VNN1: variants seen among roughly 807,000 people sequenced by gnomAD.
VNN1 encodes the protein pantetheinase.
VNN1 carries 29 observed loss-of-function variants against 41.9 expected under a neutral mutation model. That is an observed-to-expected ratio of 0.69 (90% CI 0.52 to 0.94). The LOEUF is 0.94. Among genes scored for constraint, VNN1 ranks in the 40% least tolerant of loss-of-function variants. VNN1 has a pLI of 0.00. For missense variants in VNN1, 637 were observed against 621.1 expected (o/e 1.03, Z -0.27); for synonymous variants, 233 against 224.4 (o/e 1.04, Z -0.34).
chr6:132,690,562 A>G (rs532117005), intron 5 of VNN1, among the ~76,000 whole-genome samples: 1 of 152,338 alleles, frequency 6.6e-6, no homozygotes, highest in African/African-American at 2.4e-5. Flanking sequence ...CATTCTACGG[A>G]CAATCACATG....
chr6:132,685,156 T>C (rs1289512985), intron 5 of VNN1, among the ~76,000 whole-genome samples: 1 of 152,264 alleles, frequency 6.6e-6, no homozygotes, highest in Non-Finnish European at 1.5e-5. Context: ...TCATATCCTC[T>C]ATACTGCGCA....
Position 132,693,212 on chromosome 6 carries a change from T to C in VNN1, c.638A>G (p.Asp213Gly). ...AACAGCAGGATCATGGAAGAGTATA[T>C]CAAAGCATGTGAAAATGCCAAAACT... ...FGSFGIFTCFDILFHDPAVTL... is the reference protein window; with the variant it reads ...FGSFGIFTCFGILFHDPAVTL... The change falls in exon 4 of 7, where the codon GAT (aspartate) becomes GGT (glycine). Residue 213 changes from aspartate to glycine, a missense_variant. Asp to Gly is a moderately conservative substitution (Grantham distance 94, BLOSUM62 -1). Transcript: ENST00000367928. The C allele has an allele frequency of 6.2e-7, 1 of 1,614,066 alleles. No homozygotes were observed. Among genetic ancestry groups the C allele is most frequent in the Non-Finnish European group, 8.5e-7 (1 of 1,179,994 alleles).
At chr6:132,704,058 A>G (rs1778485341) in intron 2 of VNN1, among the ~76,000 whole-genome samples, 1 of 152,198 alleles carries the variant, frequency 6.6e-6, no homozygotes, top group Non-Finnish European at 1.5e-5. Flanking sequence ...AGATATATAA[A>G]GGACATATTA....
intron 2 of VNN1, among the ~76,000 whole-genome samples, chr6:132,701,827 G>GA (rs1407959092): frequency 6.6e-6 from 1 of 152,240 alleles, no homozygotes; most frequent in Non-Finnish European, 1.5e-5. Flanking sequence ...GGTGTGGAGA[G>GA]AAAATTTGTG....
At chr6:132,693,570 A>C (rs180767267) in intron 3 of VNN1, among the ~76,000 whole-genome samples, 27 of 152,340 alleles carry the variant, frequency 1.8e-4, no homozygotes, top group Non-Finnish European at 1.5e-5. Context: ...ATAAGACATA[A>C]AATAGATTAC....
At chr6:132,694,664 G>A (rs1778342119) in intron 2 of VNN1, among the ~76,000 whole-genome samples, 1 of 151,430 alleles carries the variant, frequency 6.6e-6, no homozygotes, top group South Asian at 2.1e-4. Flanking sequence ...AGACCAGCCT[G>A]GGCAACAAAG....
chr6:132,697,387 A>G (rs1192677940), intron 2 of VNN1, among the ~76,000 whole-genome samples: 1 of 152,130 alleles, frequency 6.6e-6, no homozygotes, highest in African/African-American at 2.4e-5. Context: ...TTCAAATAAG[A>G]GGTAACAAGG....
intron 2 of VNN1, among the ~76,000 whole-genome samples, chr6:132,700,102 T>C (rs1778429575): frequency 6.6e-6 from 1 of 152,172 alleles, no homozygotes; most frequent in Non-Finnish European, 1.5e-5. Context: ...AAACTATTCA[T>C]ATGTAAGCAA....
At chr6:132,690,535 T>G (rs1484017969) in intron 5 of VNN1, among the ~76,000 whole-genome samples, 1 of 152,196 alleles carries the variant, frequency 6.6e-6, no homozygotes, top group Non-Finnish European at 1.5e-5. Context: ...TCTTTAGTAC[T>G]CCTCCAGCAA....
At chr6:132,706,173 A>T (rs1778515310) in intron 2 of VNN1, among the ~76,000 whole-genome samples, 1 of 152,166 alleles carries the variant, frequency 6.6e-6, no homozygotes, top group South Asian at 2.1e-4. Flanking sequence ...TCTGAAATTT[A>T]CGTGGAAACA....
At position 132,690,320 on chromosome 6, in the gene VNN1, A is replaced by T. The variant is rs1033866921; in HGVS notation, c.1188+1903T>A. Among the ~76,000 whole-genome samples, 6 of 152,162 alleles carry T rather than the reference A, an allele frequency of 3.9e-5. 1 individual carries two copies. Among genetic ancestry groups the T allele is most frequent in the African/African-American group, 1.4e-4 (6 of 41,518 alleles). Reference sequence around the variant, plus strand: ...GATGTTGCTTCCAGGCTTATTTCCCACCAAACCCAGCTTCGCAAGCCATGC... The same window carrying T: ...GATGTTGCTTCCAGGCTTATTTCCCTCCAAACCCAGCTTCGCAAGCCATGC... On this transcript the variant is annotated intron_variant, in intron 5 of 6. Transcript: ENST00000367928.
chr6:132,700,024 T>C (rs1272941166), intron 2 of VNN1, among the ~76,000 whole-genome samples: 3 of 152,170 alleles, frequency 2.0e-5, no homozygotes, highest in African/African-American at 4.8e-5. Flanking sequence ...CTCAGGCTCA[T>C]TTTAAGTTAC....
At chr6:132,713,482 T>C (rs1035753638) in intron 1 of VNN1, among the ~76,000 whole-genome samples, 3 of 152,236 alleles carry the variant, frequency 2.0e-5, no homozygotes, top group Middle Eastern at 3.2e-3. Flanking sequence ...AGGCCACTAA[T>C]ACTCTGAAAA....
intron 2 of VNN1, among the ~76,000 whole-genome samples, chr6:132,711,498 T>A (rs2114378013): frequency 6.6e-6 from 1 of 152,356 alleles, no homozygotes; most frequent in South Asian, 2.1e-4. Context: ...ACACTGAATG[T>A]GATGATTTCT....
intron 1 of VNN1, among the ~76,000 whole-genome samples, 161 bp from the exon 2 acceptor site, chr6:132,712,000 CT>C (rs1280107479): frequency 6.6e-6 from 1 of 151,338 alleles, no homozygotes; most frequent in Non-Finnish European, 1.5e-5. Flanking sequence ...TTTTAATTTC[CT>C]TTTTTTTCAG....
At chr6:132,692,951 T>C in intron 4 of VNN1, 73 bp downstream of exon 4, 1 of 1,461,190 alleles carries the variant, frequency 6.8e-7, no homozygotes, top group Non-Finnish European at 9.1e-7. Context: ...ATGCGTTAGC[T>C]AGAAAAACAT....
chr6:132,699,716 C>T (rs1778424964), intron 2 of VNN1: 2 of 153,266 alleles, frequency 1.3e-5, no homozygotes, highest in Middle Eastern at 2.1e-3. Context: ...GAAAATTTTC[C>T]AATGCTATAA....
intron 2 of VNN1, among the ~76,000 whole-genome samples, chr6:132,694,427 A>G (rs1428191838): frequency 6.6e-6 from 1 of 152,202 alleles, no homozygotes; most frequent in Non-Finnish European, 1.5e-5. Context: ...TCTTCATAGC[A>G]TTTATCGTAA....
chr6:132,684,535 T>A (rs763665128), intron 5 of VNN1, 30 bp from the exon 6 acceptor site: 1 of 1,611,134 alleles, frequency 6.2e-7, no homozygotes, highest in African/African-American at 1.3e-5. Flanking sequence ...CAGTAAGTCA[T>A]AAGAAAGTCA....
Sources: gnomAD v4.1 joint callset for allele counts (sites outside exome capture counted in the v4.1 genomes callset) on GRCh38, gnomAD v4.1.1 for gene constraint, MANE v1.5 for transcripts, NCBI Gene and HGNC (gene_info 2026-07-23, HGNC 2026-07-21) for gene names.